TENM3: variants seen among roughly 807,000 people sequenced by gnomAD.
The protein encoded by TENM3 is teneurin transmembrane protein 3, also known as teneurin-3.
TENM3 carries 63 observed loss-of-function variants against 255.1 expected under a neutral mutation model. That is an observed-to-expected ratio of 0.25 (90% confidence interval 0.20 to 0.30). The LOEUF is 0.30. TENM3 is among the 10% of genes least tolerant of loss of function. The probability of loss-of-function intolerance (pLI) is 1.00; values close to 1 mark genes in which losing one functional copy is unlikely to be tolerated. For missense variants in TENM3, 2,929 were observed against 3,461.1 expected (o/e 0.85, Z 3.86); for synonymous variants, 1,306 against 1,322.3 (o/e 0.99, Z 0.27).
the TENM3 span, among the ~76,000 whole-genome samples, chr4:181,459,062 T>C: frequency 1.1e-3 from 168 of 151,998 alleles, no homozygotes; most frequent in African/African-American, 3.9e-3. Flanking sequence ...CACAAAAACT[T>C]GGTATTGTCA....
At chr4:181,543,966 C>T in the TENM3 span, among the ~76,000 whole-genome samples, 2 of 151,926 alleles carry the variant, frequency 1.3e-5, no homozygotes, top group African/African-American at 2.4e-5. Context: ...TCATGAAAGC[C>T]CATGGGTCCA....
the TENM3 span, among the ~76,000 whole-genome samples, chr4:182,071,058 C>G: frequency 3.9e-5 from 6 of 151,910 alleles, no homozygotes; most frequent in Non-Finnish European, 8.8e-5. Context: ...GCTACTGACG[C>G]TTGAATTAAG....
the TENM3 span, among the ~76,000 whole-genome samples, chr4:182,137,337 C>A: frequency 2.0e-5 from 3 of 151,616 alleles, no homozygotes; most frequent in East Asian, 1.9e-4. Context: ...GCCACCTCCC[C>A]CCCCCCAAAA....
chr4:181,522,718 A>G, the TENM3 span: 9 of 688,106 alleles, frequency 1.3e-5, no homozygotes, highest in African/African-American at 1.2e-4. Context: ...AAAGATGTTA[A>G]AGGTGAATCC....
the TENM3 span, among the ~76,000 whole-genome samples, chr4:181,467,279 G>A: frequency 3.3e-5 from 5 of 149,910 alleles, no homozygotes; most frequent in Non-Finnish European, 7.4e-5. Context: ...GATTACAAGC[G>A]CCCGCCACTG....
At chr4:181,917,671 T>G in the TENM3 span, among the ~76,000 whole-genome samples, 2 of 149,726 alleles carry the variant, frequency 1.3e-5, no homozygotes, top group Non-Finnish European at 3.0e-5. Flanking sequence ...TTCTTTTTTT[T>G]TTTTTTTTGA....
chr4:182,132,286 T>A, the TENM3 span, among the ~76,000 whole-genome samples: 3 of 151,848 alleles, frequency 2.0e-5, no homozygotes, highest in Non-Finnish European at 2.9e-5. Context: ...AAGACCAACA[T>A]GGCCAACATG....
chr4:182,728,622 A>G (rs1274652163), intron 13 of TENM3, among the ~76,000 whole-genome samples: 4 of 152,098 alleles, frequency 2.6e-5, no homozygotes, highest in Admixed American at 6.6e-5. Context: ...AGCCTACTGC[A>G]CTCCTAGGCT....
At chr4:182,027,956 T>C in the TENM3 span, among the ~76,000 whole-genome samples, 1 of 152,074 alleles carries the variant, frequency 6.6e-6, no homozygotes, top group African/African-American at 2.4e-5. Context: ...TTTGTCTTGT[T>C]TTGATATCAG....
At chr4:182,339,491 A>C (rs916972703) in intron 2 of TENM3, among the ~76,000 whole-genome samples, 19 of 152,304 alleles carry the variant, frequency 1.2e-4, no homozygotes, top group Non-Finnish European at 2.2e-4. Flanking sequence ...GGCTTCTTTC[A>C]GGCTCGGCAG....
intron 2 of TENM3, 66 bp from the exon 3 acceptor site, chr4:182,346,585 A>G (rs536006511): frequency 1.4e-5 from 20 of 1,398,800 alleles, no homozygotes; most frequent in Middle Eastern, 3.8e-4. Context: ...TAAAAAAAAA[A>G]AAAAGAAAAG....
chr4:181,947,297 A>C, the TENM3 span, among the ~76,000 whole-genome samples: 1 of 152,246 alleles, frequency 6.6e-6, no homozygotes, highest in African/African-American at 2.4e-5. Flanking sequence ...AAAATGCAAA[A>C]TTGAGTAACT....
the TENM3 span, among the ~76,000 whole-genome samples, chr4:181,867,479 C>T: frequency 2.6e-5 from 4 of 152,114 alleles, no homozygotes; most frequent in Non-Finnish European, 5.9e-5. Flanking sequence ...TTTGATTATA[C>T]CTCTTTTATG....
In TENM3 at chr4:182,161,737, AAATATATGTG is replaced by A. The variant is rs1368416585; in HGVS notation, c.-76+16984_-76+16993del. ...TATATATGTGTATATATATATACACAAATATATGTGTATATATATACATATATATGTGTAT... is the reference window on the plus strand; with the variant it reads ...TATATATGTGTATATATATATACACATATATATATACATATATATGTGTAT... On this transcript the variant is annotated intron_variant, in intron 1 of 2. Coordinates refer to the TENM3 transcript ENST00000512480. 3.2e-4 allele frequency among the ~76,000 whole-genome samples: 31 copies of A among 96,774 alleles called. 3 individuals are homozygous for A. Among genetic ancestry groups the A allele is most frequent in the African/African-American group, 1.2e-3 (29 of 24,492 alleles). The allele number at this position is 96,774 out of a possible 152,430, so 63.5% of individuals were successfully genotyped here. A position where few individuals can be genotyped will look rare whatever the true frequency, so the allele number is the denominator to read the frequency against.
chr4:181,908,624 G>C, the TENM3 span, among the ~76,000 whole-genome samples: 21 of 152,202 alleles, frequency 1.4e-4, no homozygotes, highest in Non-Finnish European at 2.8e-4. Context: ...TCGGGGCCTA[G>C]TTTTCAAGAA....
chr4:182,686,969 G>C (rs1272291053), intron 11 of TENM3, among the ~76,000 whole-genome samples: 1 of 152,088 alleles, frequency 6.6e-6, no homozygotes, highest in Non-Finnish European at 1.5e-5. Context: ...CCCTCTTCCA[G>C]TTAATAGTCC....
chr4:182,432,474 T>A lies in TENM3; in HGVS notation c.511+85545T>A, dbSNP rs72997373. Among the ~76,000 whole-genome samples, 1,278 of 152,356 alleles carry A rather than the reference T, an allele frequency of 8.4e-3. 18 individuals carry two copies. The highest frequency in any genetic ancestry group is 0.029 in the African/African-American group (1,219 of 41,588). On this transcript the variant is annotated intron_variant, in intron 3 of 27. Coordinates refer to ENST00000511685, the MANE Select transcript of TENM3 (RefSeq NM_001080477.4). ...ACATTAAACCAATCATGCTTAACAA[T>A]GTAAATTATTTTTAGGACAATATGT... is the stretch of plus-strand genomic sequence containing the variant.
At chr4:182,225,331 G>A (rs1756084609) in intron 1 of TENM3, among the ~76,000 whole-genome samples, 1 of 152,094 alleles carries the variant, frequency 6.6e-6, no homozygotes, top group African/African-American at 2.4e-5. Context: ...AAATATCAGT[G>A]ACCTAGAGAG....
At chr4:181,713,262 G>A in the TENM3 span, among the ~76,000 whole-genome samples, 1 of 152,172 alleles carries the variant, frequency 6.6e-6, no homozygotes, top group Non-Finnish European at 1.5e-5. Context: ...ACCTGAATAA[G>A]AGCAGGTCTG....
Sources: allele counts gnomAD v4.1 joint callset (sites outside exome capture counted in the v4.1 genomes callset), GRCh38; gene constraint gnomAD v4.1.1; transcripts MANE v1.5; gene names NCBI Gene and HGNC (gene_info 2026-07-23, HGNC 2026-07-21).